MSI2: variants seen among roughly 807,000 people sequenced by gnomAD.
The protein encoded by MSI2 is RNA-binding protein Musashi homolog 2.
A neutral mutation model predicts 45.6 loss-of-function variants in MSI2; 17 were observed. The ratio of observed to expected loss-of-function variants is 0.37; its 90% confidence interval spans 0.26 to 0.56. The LOEUF (loss-of-function observed/expected upper bound fraction) is 0.56. Among genes scored for constraint, MSI2 ranks in the 20% least tolerant of loss-of-function variants. MSI2 has a pLI of 0.77. For synonymous variants in MSI2, 156 were observed against 158.2 expected (o/e 0.99, Z 0.11); for missense variants, 293 against 444.2 (o/e 0.66, Z 3.06).
chr17:57,511,317 G>A (rs369318854), intron 6 of MSI2, among the ~76,000 whole-genome samples: 1 of 152,306 alleles, frequency 6.6e-6, no homozygotes, highest in East Asian at 1.9e-4. Flanking sequence ...AATGTGAAGT[G>A]AGTAGAATAA....
intron 8 of MSI2, chr17:57,606,416 A>T (rs549600473): frequency 6.6e-6 from 1 of 152,424 alleles, no homozygotes; most frequent in East Asian, 1.9e-4. Flanking sequence ...GTCTCAGCTC[A>T]GAGAGCCGGC....
At chr17:57,397,014 A>T (rs11650659) in intron 5 of MSI2, among the ~76,000 whole-genome samples, 10,295 of 152,226 alleles carry the variant, frequency 0.068, 438 homozygotes, top group Non-Finnish European at 0.11. Context: ...GAAATTTAAG[A>T]TCAATTTCCT....
Position 57,587,895 on chromosome 17 carries a change from C to T in MSI2, c.455-8973C>T, listed in dbSNP as rs955235527. ...ACGGCTTTAATATCATGATGTCTGG[C>T]GTGTCTGGTCACATTCCTTCATTTT... On this transcript the variant is annotated intron_variant, in intron 7 of 13. Coordinates refer to ENST00000284073, the MANE Select transcript of MSI2 (RefSeq NM_138962.4). 6.6e-5 allele frequency among the ~76,000 whole-genome samples: 10 copies of T among 152,204 alleles called. No homozygotes were observed. The East Asian group carries it at 1.5e-3, about 24-fold the overall frequency.
intron 8 of MSI2, among the ~76,000 whole-genome samples, chr17:57,608,093 G>A (rs1906829103): frequency 6.6e-6 from 1 of 152,206 alleles, no homozygotes; most frequent in African/African-American, 2.4e-5. Flanking sequence ...GTACCAGTGA[G>A]GGAAAAGGAC....
chr17:57,605,226 G>C (rs376260556), intron 8 of MSI2, among the ~76,000 whole-genome samples: 1 of 152,192 alleles, frequency 6.6e-6, no homozygotes, highest in African/African-American at 2.4e-5. Flanking sequence ...ACACGCAAGC[G>C]CGTGCACATG....
In MSI2 at chr17:57,493,832, G is replaced by A. The variant is rs146006401; in HGVS notation, c.406-35844G>A. 2.7e-3 allele frequency among the ~76,000 whole-genome samples: 407 copies of A among 152,232 alleles called. 2 individuals are homozygous for A. Among genetic ancestry groups the A allele is most frequent in the African/African-American group, 9.4e-3 (392 of 41,536 alleles). On this transcript the variant is annotated intron_variant, in intron 6 of 13. Transcript: ENST00000284073. ...ATGTGGGCATGAAAGTGATTGACAG[G>A]CTGTGAAGTACCTCTCCCACCATCA...
intron 7 of MSI2, among the ~76,000 whole-genome samples, chr17:57,556,490 A>G (rs1352652065): frequency 6.6e-6 from 1 of 152,198 alleles, no homozygotes; most frequent in African/African-American, 2.4e-5. Context: ...TGTGAGGCAG[A>G]ACGTGTCTGT....
chr17:57,501,198 G>A (rs1056630730), intron 6 of MSI2, among the ~76,000 whole-genome samples: 1 of 152,190 alleles, frequency 6.6e-6, no homozygotes, highest in African/African-American at 2.4e-5. Context: ...GTGGCCCTGG[G>A]GCCCGAGCCC....
downstream of MSI2, chr17:57,685,549 C>T (rs1913856270): frequency 6.6e-6 from 1 of 152,170 alleles, no homozygotes; most frequent in Admixed American, 6.5e-5. Context: ...CGGTGAAAAC[C>T]AGAAAACCAG....
intron 10 of MSI2, among the ~76,000 whole-genome samples, chr17:57,643,779 C>G (rs1394862734): frequency 6.6e-6 from 1 of 152,236 alleles, no homozygotes; most frequent in Non-Finnish European, 1.5e-5. Flanking sequence ...TAAAATTAAG[C>G]TAAACAGCAG....
intron 6 of MSI2, among the ~76,000 whole-genome samples, chr17:57,419,252 A>G (rs1269424864): frequency 6.6e-6 from 1 of 151,922 alleles, no homozygotes; most frequent in South Asian, 2.1e-4. Flanking sequence ...AACCTTAATT[A>G]CAGGCTAAAA....
At chr17:57,428,385 G>T (rs956470061) in intron 6 of MSI2, among the ~76,000 whole-genome samples, 4 of 151,764 alleles carry the variant, frequency 2.6e-5, no homozygotes, top group Non-Finnish European at 5.9e-5. Flanking sequence ...ACCCCACCTG[G>T]CCTTTATTTT....
rs763684870 is a variant in MSI2 at position 57,258,321 on chromosome 17, A to G, written c.237A>G (p.Leu79=). ...ACCCAGCAAGTGTAGATAAAGTATTAGGTCAGCCCCACCATGAGTTAGATT... is the reference window on the plus strand; with the variant it reads ...ACCCAGCAAGTGTAGATAAAGTATTGGGTCAGCCCCACCATGAGTTAGATT... The part of the protein sequence containing the change: ...FADPASVDKV[L]GQPHHELDSK... Residue 79 remains leucine, a synonymous_variant, in exon 4 of 14, where the codon TTA becomes TTG. Coordinates refer to ENST00000284073, the MANE Select transcript of MSI2 (RefSeq NM_138962.4). 6.2e-7 allele frequency: 1 copy of G among 1,614,058 alleles called. No individual in the cohort carries two copies. The highest frequency in any genetic ancestry group is 1.7e-5 in the Admixed American group (1 of 60,024).
intron 8 of MSI2, among the ~76,000 whole-genome samples, chr17:57,604,188 A>G (rs868194): frequency 0.75 from 114,029 of 152,146 alleles, 43,875 homozygotes; most frequent in African/African-American, 0.93. Context: ...TCCCCTTTCT[A>G]TAAAACAGGT....
At chr17:57,337,090 G>A (rs1005957276) in intron 5 of MSI2, among the ~76,000 whole-genome samples, 3 of 152,212 alleles carry the variant, frequency 2.0e-5, no homozygotes, top group African/African-American at 7.2e-5. Flanking sequence ...CTCCTCCAGA[G>A]CTTGGGCACC....
intron 6 of MSI2, among the ~76,000 whole-genome samples, chr17:57,498,969 CAAG>C (rs1422708711): frequency 2.1e-5 from 3 of 143,054 alleles, no homozygotes; most frequent in Non-Finnish European, 4.5e-5. Context: ...TTCCTGTGTC[CAAG>C]TGTTCTCATT....
chr17:57,353,319 T>C (rs1289188254), intron 5 of MSI2, among the ~76,000 whole-genome samples: 1 of 152,142 alleles, frequency 6.6e-6, no homozygotes, highest in Non-Finnish European at 1.5e-5. Flanking sequence ...TGTGGGTAGG[T>C]GTAAAGCAGG....
chr17:57,429,881 T>C (rs972864891), intron 6 of MSI2, among the ~76,000 whole-genome samples: 2 of 152,240 alleles, frequency 1.3e-5, no homozygotes, highest in Non-Finnish European at 2.9e-5. Flanking sequence ...ACGTGGACAC[T>C]GGGAGCAGGC....
At chr17:57,620,310 T>C (rs1908169637) in intron 9 of MSI2, among the ~76,000 whole-genome samples, 1 of 152,214 alleles carries the variant, frequency 6.6e-6, no homozygotes, top group Non-Finnish European at 1.5e-5. Flanking sequence ...GCCTGGTAAA[T>C]GCTGTATTTA....
Sources: gnomAD v4.1 joint callset for allele counts (sites outside exome capture counted in the v4.1 genomes callset) on GRCh38, gnomAD v4.1.1 for gene constraint, MANE v1.5 for transcripts, NCBI Gene and HGNC (gene_info 2026-07-23, HGNC 2026-07-21) for gene names.